The following FNDC3A variants were observed in gnomAD, a reference collection of about 807,000 sequenced individuals.
FNDC3A encodes the protein fibronectin type III domain containing 3A, also known as fibronectin type-III domain-containing protein 3A.
FNDC3A carries 32 observed loss-of-function variants against 148.9 expected under a neutral mutation model. The observed-to-expected ratio is 0.21, with a 90% CI of 0.16 to 0.29. The LOEUF is 0.29. FNDC3A is among the 10% of genes least tolerant of loss of function. FNDC3A has a pLI of 1.00. For missense variants in FNDC3A, 1,191 were observed against 1,452.8 expected (o/e 0.82, Z 2.93); for synonymous variants, 472 against 473.6 (o/e 1.00, Z 0.04).
chr13:49,179,238 A>C (rs1885186144), intron 14 of FNDC3A, among the ~76,000 whole-genome samples: 1 of 70,128 alleles, frequency 1.4e-5, no homozygotes, highest in South Asian at 7.2e-4. Flanking sequence ...GAACATACTA[A>C]GTATATGCTT....
chr13:49,073,620 T>C (rs1341069902), intron 2 of FNDC3A, among the ~76,000 whole-genome samples: 1 of 150,294 alleles, frequency 6.7e-6, no homozygotes, highest in East Asian at 1.9e-4. Context: ...GATTTTTGTG[T>C]TTAGACTTGG....
intron 7 of FNDC3A, among the ~76,000 whole-genome samples, chr13:49,143,916 G>A (rs1007897976): frequency 4.0e-5 from 6 of 151,712 alleles, no homozygotes; most frequent in East Asian, 1.9e-4. Flanking sequence ...AGGCTGAGGC[G>A]GGAGGGTGGC....
At chr13:49,031,628 T>C (rs1387660771) in intron 2 of FNDC3A, among the ~76,000 whole-genome samples, 1 of 152,036 alleles carries the variant, frequency 6.6e-6, no homozygotes. Context: ...TCTACAAAAC[T>C]AACTCAAAAA....
At chr13:48,989,426 G>T (rs541052141) in intron 1 of FNDC3A, among the ~76,000 whole-genome samples, 26 of 152,192 alleles carry the variant, frequency 1.7e-4, no homozygotes, top group Non-Finnish European at 3.1e-4. Flanking sequence ...AAACAGTTAT[G>T]ACTGTTGGAG....
intron 2 of FNDC3A, among the ~76,000 whole-genome samples, chr13:49,034,405 CT>C (rs1362564013): frequency 6.6e-6 from 1 of 151,964 alleles, no homozygotes; most frequent in African/African-American, 2.4e-5. Flanking sequence ...GGTACACACA[CT>C]TGTCATTTGG....
intron 10 of FNDC3A, among the ~76,000 whole-genome samples, chr13:49,171,794 A>G (rs991722631): frequency 6.6e-6 from 1 of 152,234 alleles, no homozygotes; most frequent in African/African-American, 2.4e-5. Context: ...TCAAGTTATT[A>G]ATAGTTCTTG....
chr13:49,176,646 G>GA lies in FNDC3A; in HGVS notation c.1530+1114dup, dbSNP rs59009288. Among the ~76,000 whole-genome samples the GA allele has an allele frequency of 1.2e-3, 186 of 149,966 alleles. 1 individual carries two copies. The highest frequency in any genetic ancestry group is 3.7e-3 in the African/African-American group (151 of 40,898). ...TAAAGTATAATTTTTTAAAAAATCA[G>GA]AAAAAAAAACATTTTAGTGTGGCAT... is the stretch of plus-strand genomic sequence containing the variant. On this transcript the variant is annotated intron_variant, in intron 13 of 25. Coordinates refer to ENST00000492622, the MANE Select transcript of FNDC3A (RefSeq NM_001079673.2).
At chr13:49,000,026 C>CAT (rs1952096937) in intron 1 of FNDC3A, among the ~76,000 whole-genome samples, 1 of 152,124 alleles carries the variant, frequency 6.6e-6, no homozygotes, top group Non-Finnish European at 1.5e-5. Flanking sequence ...TCTTCCATTC[C>CAT]ATAGATTACC....
intron 8 of FNDC3A, among the ~76,000 whole-genome samples, chr13:49,160,155 C>G (rs1566294720): frequency 6.6e-6 from 1 of 152,184 alleles, no homozygotes. Context: ...GGAGGATTCC[C>G]TCTTTTTCTA....
At chr13:49,086,554 A>G (rs907009963) in intron 3 of FNDC3A, among the ~76,000 whole-genome samples, 1 of 152,218 alleles carries the variant, frequency 6.6e-6, no homozygotes, top group African/African-American at 2.4e-5. Context: ...CTGACTTTGC[A>G]TTACAGCAAA....
chr13:49,131,511 C>T (rs766755332), intron 5 of FNDC3A, 137 bp downstream of exon 5: 13 of 689,344 alleles, frequency 1.9e-5, no homozygotes, highest in Admixed American at 6.6e-5. Context: ...TACTCAAGTA[C>T]TATATTAGGT....
At chr13:48,994,378 C>T (rs558471761) in intron 1 of FNDC3A, among the ~76,000 whole-genome samples, 1 of 152,300 alleles carries the variant, frequency 6.6e-6, no homozygotes, top group East Asian at 1.9e-4. Flanking sequence ...AATTTGAACA[C>T]TGACTACATA....
At chr13:49,162,842 T>A (rs1253178336) in intron 8 of FNDC3A, among the ~76,000 whole-genome samples, 1 of 152,216 alleles carries the variant, frequency 6.6e-6, no homozygotes, top group Non-Finnish European at 1.5e-5. Context: ...TTCCTGTTTG[T>A]TAGTTTTCCT....
intron 2 of FNDC3A, among the ~76,000 whole-genome samples, chr13:49,066,670 T>C (rs895401450): frequency 1.3e-5 from 2 of 152,040 alleles, no homozygotes; most frequent in African/African-American, 4.8e-5. Flanking sequence ...TCAAAGCTTA[T>C]ATTCTTTTTT....
At chr13:49,155,364 A>G (rs1883592957) in intron 8 of FNDC3A, among the ~76,000 whole-genome samples, 1 of 150,152 alleles carries the variant, frequency 6.7e-6, no homozygotes, top group Admixed American at 6.6e-5. Context: ...CAGTGGTGAT[A>G]TCCCCTTTAT....
intron 24 of FNDC3A, 38 bp from the exon 25 acceptor site, chr13:49,203,119 C>G (rs143444898): frequency 1.4e-6 from 2 of 1,395,848 alleles, no homozygotes; most frequent in Non-Finnish European, 2.0e-6. Context: ...AATTAAAAAT[C>G]AAGTGGAACA....
intron 2 of FNDC3A, among the ~76,000 whole-genome samples, chr13:49,023,063 G>A (rs1351130535): frequency 1.3e-5 from 2 of 151,892 alleles, no homozygotes; most frequent in East Asian, 1.9e-4. Flanking sequence ...ATAAAATATT[G>A]CACTGGTTCT....
chr13:49,108,165 ATG>A (rs1880320067), intron 3 of FNDC3A, among the ~76,000 whole-genome samples: 1 of 152,240 alleles, frequency 6.6e-6, no homozygotes, highest in Non-Finnish European at 1.5e-5. Context: ...TAAAAATAGA[ATG>A]AAAGACACGA....
chr13:49,181,121 G>C (rs1885280176), intron 14 of FNDC3A, among the ~76,000 whole-genome samples: 1 of 152,108 alleles, frequency 6.6e-6, no homozygotes, highest in South Asian at 2.1e-4. Flanking sequence ...GTTTCACTAT[G>C]GTGGTCACTG....
Sources: allele counts gnomAD v4.1 joint callset (sites outside exome capture counted in the v4.1 genomes callset), GRCh38; gene constraint gnomAD v4.1.1; transcripts MANE v1.5; gene names NCBI Gene and HGNC (gene_info 2026-07-23, HGNC 2026-07-21).